The following IQGAP2 variants were observed in gnomAD, a reference collection of about 807,000 sequenced individuals.
The protein encoded by IQGAP2 is IQ motif containing GTPase activating protein 2.
Under a neutral mutation model 201.3 loss-of-function variants are expected in IQGAP2, and 173 were observed. The observed-to-expected ratio is 0.86, with a 90% confidence interval of 0.76 to 0.98. The LOEUF is 0.98. IQGAP2 is among the 50% of genes least tolerant of loss of function. The probability of loss-of-function intolerance (pLI) is 0.00; values close to 1 mark genes in which losing one functional copy is unlikely to be tolerated. For missense variants in IQGAP2, 1,687 were observed against 1,864.8 expected, an observed-to-expected ratio of 0.90 and a Z score of 1.76; for synonymous variants, 675 against 673.9, an observed-to-expected ratio of 1.00 and a Z score of -0.03.
intron 13 of IQGAP2, chr5:76,617,509 G>T: frequency 2.6e-6 from 3 of 1,141,406 alleles, no homozygotes; most frequent in Non-Finnish European, 3.8e-6. Flanking sequence ...GGAGCTCCTT[G>T]CACTATGCTT....
chr5:76,668,081 C>T (rs1265467159), intron 22 of IQGAP2, among the ~76,000 whole-genome samples: 1 of 151,872 alleles, frequency 6.6e-6, no homozygotes, highest in Non-Finnish European at 1.5e-5. Context: ...CAGGGTCTGT[C>T]CATGTTGCCC....
At chr5:76,699,362 A>C (rs1337900506) in intron 33 of IQGAP2, 2 of 152,190 alleles carry the variant, frequency 1.3e-5, no homozygotes, top group Non-Finnish European at 2.9e-5. Context: ...TTACCTGTTC[A>C]TCTGTTAGTA....
At chr5:76,457,247 C>G (rs142706612) in intron 1 of IQGAP2, among the ~76,000 whole-genome samples, 1 of 152,190 alleles carries the variant, frequency 6.6e-6, no homozygotes, top group African/African-American at 2.4e-5. Flanking sequence ...CCTTGGCCTC[C>G]CAAAGTGGTG....
At chr5:76,448,036 T>C (rs1449295224) in intron 1 of IQGAP2, among the ~76,000 whole-genome samples, 2 of 152,114 alleles carry the variant, frequency 1.3e-5, no homozygotes, top group African/African-American at 4.8e-5. Context: ...AGCCTGGGGA[T>C]GTGTGGAGGT....
At chr5:76,647,851 A>AC (rs528653233) in intron 17 of IQGAP2, among the ~76,000 whole-genome samples, 74,501 of 150,028 alleles carry the variant, frequency 0.5, 18,762 homozygotes, top group Non-Finnish European at 0.56. Flanking sequence ...ACACACACAC[A>AC]AACGAAAAAA....
intron 2 of IQGAP2, among the ~76,000 whole-genome samples, chr5:76,547,639 G>A (rs748027384): frequency 1.5e-4 from 23 of 152,328 alleles, no homozygotes; most frequent in Middle Eastern, 3.4e-3. Flanking sequence ...AAATGTATGC[G>A]TAAGCCTCAG....
At chr5:76,618,229 C>T (rs759797629) in intron 13 of IQGAP2, 41 of 1,614,038 alleles carry the variant, frequency 2.5e-5, no homozygotes, top group Admixed American at 6.7e-5. Context: ...TCTCCAAATA[C>T]CCAGTTGTTC....
At chr5:76,611,789 T>G (rs994827466) in intron 13 of IQGAP2, among the ~76,000 whole-genome samples, 2 of 152,110 alleles carry the variant, frequency 1.3e-5, no homozygotes, top group African/African-American at 4.8e-5. Flanking sequence ...TGTACCGCTA[T>G]TATAAGGAGC....
In IQGAP2 at chr5:76,674,030, A is replaced by G. The variant is rs1435637351; in HGVS notation, c.3288A>G (p.Leu1096=). 2 of 1,596,608 alleles carry G rather than the reference A, an allele frequency of 1.3e-6. No individual in the cohort carries two copies. Among genetic ancestry groups the G allele is most frequent in the East Asian group, 2.2e-5 (1 of 44,770 alleles). ...EKFPDATEDE[L]LKIVGNLLYY... ...TCCCCGATGCAACAGAAGATGAGCT[A>G]TTAAAGGTAGATTTTCAAGGGTAAT... Residue 1096 remains leucine, a synonymous_variant, in exon 26 of 36, where the codon CTA becomes CTG. Coordinates refer to ENST00000274364, the MANE Select transcript of IQGAP2 (RefSeq NM_006633.5).
chr5:76,446,192 G>T (rs796890432), intron 1 of IQGAP2, among the ~76,000 whole-genome samples: 1 of 152,032 alleles, frequency 6.6e-6, no homozygotes, highest in South Asian at 2.1e-4. Context: ...GCTTATTTTG[G>T]GTGTATACCC....
intron 33 of IQGAP2, among the ~76,000 whole-genome samples, chr5:76,700,226 G>A (rs10214128): frequency 0.33 from 49,519 of 151,918 alleles, 8,220 homozygotes; most frequent in Non-Finnish European, 0.35. Context: ...TCTCTCTTAT[G>A]TCGTGTGATC....
intron 17 of IQGAP2, among the ~76,000 whole-genome samples, chr5:76,652,211 T>G (rs1009753586): frequency 9.8e-5 from 15 of 152,312 alleles, no homozygotes; most frequent in Admixed American, 4.6e-4. Flanking sequence ...TTGTTTAACT[T>G]TATGTGGGGA....
chr5:76,665,100 CCAAGGAATAAAAAGTTTGAG>C lies in IQGAP2; in HGVS notation c.2605_2624del (p.Gln869Ter). 6.2e-7 allele frequency: 1 copy of C among 1,608,310 alleles called. No homozygotes were observed. The stretch of plus-strand genomic sequence containing the variant: ...TGGAAATACTGAATAACACCGACAA[CCAAGGAATAAAAAGTTTGAG>C]TAAGGAGAGGAGAAAAACACTAGAA... On this transcript the variant is annotated frameshift_variant, in exon 22 of 36. Coordinates refer to ENST00000274364, the MANE Select transcript of IQGAP2 (RefSeq NM_006633.5). LOFTEE classifies it high-confidence loss of function.
intron 1 of IQGAP2, among the ~76,000 whole-genome samples, chr5:76,459,263 G>T (rs1194377264): frequency 6.6e-6 from 1 of 152,118 alleles, no homozygotes; most frequent in African/African-American, 2.4e-5. Flanking sequence ...CGAGGGACGG[G>T]GTTCTGCTGG....
At chr5:76,575,935 T>G (rs74923681) in intron 5 of IQGAP2, among the ~76,000 whole-genome samples, 166 bp downstream of exon 5, 1,642 of 152,320 alleles carry the variant, frequency 0.011, 12 homozygotes, top group Middle Eastern at 0.017. Flanking sequence ...TGGTCACATA[T>G]AAGCAATTCT....
intron 13 of IQGAP2, among the ~76,000 whole-genome samples, chr5:76,626,060 A>G (rs781724290): frequency 2.6e-4 from 40 of 152,200 alleles, no homozygotes; most frequent in Admixed American, 2.2e-3. Context: ...AGGAATATTT[A>G]CCTATAATAG....
intron 2 of IQGAP2, among the ~76,000 whole-genome samples, chr5:76,483,111 G>T (rs934123199): frequency 6.6e-6 from 1 of 152,216 alleles, no homozygotes; most frequent in African/African-American, 2.4e-5. Flanking sequence ...GAATCAGGCA[G>T]CCCAACTTAA....
At chr5:76,571,853 A>G (rs1265736529) in intron 4 of IQGAP2, among the ~76,000 whole-genome samples, 1 of 152,258 alleles carries the variant, frequency 6.6e-6, no homozygotes, top group Non-Finnish European at 1.5e-5. Flanking sequence ...ACTAGACTAC[A>G]GACCTTTTTC....
chr5:76,618,846 A>G (rs1302631403), intron 13 of IQGAP2, among the ~76,000 whole-genome samples: 1 of 152,236 alleles, frequency 6.6e-6, no homozygotes, highest in Non-Finnish European at 1.5e-5. Flanking sequence ...GGAAACAAAA[A>G]CTAAATGATC....
Sources: gnomAD v4.1 joint callset for allele counts (sites outside exome capture counted in the v4.1 genomes callset) on GRCh38, gnomAD v4.1.1 for gene constraint, MANE v1.5 for transcripts, NCBI Gene and HGNC (gene_info 2026-07-23, HGNC 2026-07-21) for gene names.